Variants in STAMBPL1 observed in about 807,000 individuals in gnomAD.
STAMBPL1 encodes the protein STAM binding protein like 1, also known as AMSH-like protease.
In STAMBPL1, 44 loss-of-function variants were observed where a neutral mutation model predicts 52.9. That is an observed-to-expected ratio of 0.83 (90% CI 0.65 to 1.07). STAMBPL1 has a LOEUF of 1.07. Ranked by LOEUF, STAMBPL1 falls within the 50% of genes least tolerant of loss-of-function variation. The pLI is 0.00. For synonymous variants in STAMBPL1, 164 were observed against 177.3 expected (o/e 0.92, Z 0.60); for missense variants, 511 against 520.8 (o/e 0.98, Z 0.18).
At chr10:88,903,297 CA>C (rs1844992300) in intron 2 of STAMBPL1, among the ~76,000 whole-genome samples, 1 of 150,572 alleles carries the variant, frequency 6.6e-6, no homozygotes, top group African/African-American at 2.5e-5. Flanking sequence ...TTTTCATTTT[CA>C]GGGAAAAAAA....
At chr10:88,885,603 A>G (rs1415861499) in intron 1 of STAMBPL1, among the ~76,000 whole-genome samples, 3 of 152,142 alleles carry the variant, frequency 2.0e-5, no homozygotes, top group African/African-American at 7.2e-5. Context: ...ACTTCCCTCC[A>G]TACTCCCAGA....
chr10:88,892,042 T>C (rs1844697784), intron 1 of STAMBPL1, among the ~76,000 whole-genome samples: 1 of 151,960 alleles, frequency 6.6e-6, no homozygotes, highest in Non-Finnish European at 1.5e-5. Context: ...AGGTGTCTTA[T>C]AGAATAAAGA....
In STAMBPL1 at chr10:88,910,972, G is replaced by T; in HGVS notation, c.381G>T (p.Lys127Asn). The change falls in exon 5 of 11, where the codon AAG becomes AAT. Residue 127 changes from lysine to asparagine, a missense_variant. Transcript: ENST00000371926. ...RTDELKNDLL[K>N]KYNVEYQEYL... ...ATGAATTGAAAAACGACCTTTTAAA[G>T]AAATATAACGTAGAATACCAAGAAT... The T allele has an allele frequency of 6.3e-7, 1 of 1,595,988 alleles. No homozygotes were observed. Among genetic ancestry groups the T allele is most frequent in the African/African-American group, 1.3e-5 (1 of 74,208 alleles).
At chr10:88,890,261 A>C (rs1281894716) in intron 1 of STAMBPL1, among the ~76,000 whole-genome samples, 8 of 152,246 alleles carry the variant, frequency 5.3e-5, no homozygotes, top group African/African-American at 1.7e-4. Context: ...ATAGGATATT[A>C]ACAGCAATAG....
At chr10:88,887,103 A>G (rs896861822) in intron 1 of STAMBPL1, among the ~76,000 whole-genome samples, 4 of 152,206 alleles carry the variant, frequency 2.6e-5, no homozygotes, top group Non-Finnish European at 5.9e-5. Context: ...TTCTTTAACT[A>G]TAGGAACAAA....
At chr10:88,902,950 A>G (rs1235999562) in intron 2 of STAMBPL1, among the ~76,000 whole-genome samples, 3 of 152,216 alleles carry the variant, frequency 2.0e-5, no homozygotes, top group Non-Finnish European at 4.4e-5. Flanking sequence ...AGACAATTGC[A>G]GAAACATTTT....
chr10:88,923,137 C>T, intron 10 of STAMBPL1, 31 bp from the exon 11 acceptor site: 1 of 1,517,010 alleles, frequency 6.6e-7, no homozygotes, highest in Non-Finnish European at 9.1e-7. Context: ...TGAAATCAAA[C>T]ATATGGTAAA....
chr10:88,913,351 A>G lies in STAMBPL1; in HGVS notation c.671A>G (p.Asn224Ser), dbSNP rs766840011. Residue 224 changes from asparagine (N) to serine (S), a missense_variant, in exon 6 of 11, where the codon AAT becomes AGT. Asn to Ser is a conservative substitution (Grantham distance 46). Transcript: ENST00000371926. ...ACACACCAGAACAATTCCTTGCTGAATGTATTTGCAGATCAACCTAATAAA... is the reference window on the plus strand; with the variant it reads ...ACACACCAGAACAATTCCTTGCTGAGTGTATTTGCAGATCAACCTAATAAA... The part of the protein sequence containing the change: ...FSTHQNNSLL[N>S]VFADQPNKSD... 9.9e-6 allele frequency: 16 copies of G among 1,613,760 alleles called. No individual in the cohort carries two copies. In the Admixed American group the frequency reaches 2.5e-4, roughly 25 times the overall value.
chr10:88,903,627 T>C (rs973914086), intron 2 of STAMBPL1, among the ~76,000 whole-genome samples: 28 of 152,378 alleles, frequency 1.8e-4, no homozygotes, highest in African/African-American at 6.3e-4. Context: ...TCTGATGTCA[T>C]TGAAGCAATT....
intron 3 of STAMBPL1, among the ~76,000 whole-genome samples, chr10:88,907,556 C>T (rs1320101843): frequency 1.3e-5 from 2 of 152,110 alleles, no homozygotes; most frequent in Non-Finnish European, 1.5e-5. Context: ...AGGAAAAGGC[C>T]CCTATATCTC....
intron 8 of STAMBPL1, among the ~76,000 whole-genome samples, chr10:88,920,157 T>G (rs1437490142): frequency 1.3e-5 from 2 of 152,196 alleles, no homozygotes; most frequent in African/African-American, 4.8e-5. Context: ...GGCCTAAAAA[T>G]AGTTTTAAAA....
At chr10:88,905,010 G>C (rs902197900) in intron 2 of STAMBPL1, among the ~76,000 whole-genome samples, 3 of 152,004 alleles carry the variant, frequency 2.0e-5, no homozygotes, top group Non-Finnish European at 4.4e-5. Flanking sequence ...ATAGTAACTT[G>C]AATCCAAGTT....
chr10:88,893,092 C>G (rs1844727458), intron 1 of STAMBPL1, among the ~76,000 whole-genome samples: 1 of 152,078 alleles, frequency 6.6e-6, no homozygotes, highest in Non-Finnish European at 1.5e-5. Context: ...TGCATTATTT[C>G]CAGGAATGTT....
At chr10:88,905,382 A>T (rs979773718) in intron 2 of STAMBPL1, 61 bp from the exon 3 acceptor site, 9 of 1,266,814 alleles carry the variant, frequency 7.1e-6, no homozygotes. Context: ...CCATAATATT[A>T]GTCATATCCT....
At chr10:88,916,630 T>A (rs766970481) in intron 7 of STAMBPL1, 50 bp from the exon 8 acceptor site, 38 of 1,541,622 alleles carry the variant, frequency 2.5e-5, no homozygotes, top group Non-Finnish European at 3.1e-5. Flanking sequence ...TTCAGTTATT[T>A]TTTTTTTTTC....
At chr10:88,892,340 G>C (rs1205182262) in intron 1 of STAMBPL1, among the ~76,000 whole-genome samples, 1 of 127,046 alleles carries the variant, frequency 7.9e-6, no homozygotes, top group East Asian at 3.2e-4. Flanking sequence ...ATGTGTCTGT[G>C]TGTGTGCGTG....
intron 1 of STAMBPL1, among the ~76,000 whole-genome samples, chr10:88,881,148 A>G (rs889722590): frequency 2.0e-5 from 3 of 152,124 alleles, no homozygotes; most frequent in African/African-American, 4.8e-5. Flanking sequence ...TATGCCCTTT[A>G]TGAGCGACTA....
At chr10:88,907,449 T>C (rs530080400) in intron 3 of STAMBPL1, among the ~76,000 whole-genome samples, 2 of 152,366 alleles carry the variant, frequency 1.3e-5, no homozygotes, top group South Asian at 4.1e-4. Context: ...TTTCCAATAA[T>C]TTTTGTTTCT....
chr10:88,909,145 T>A (rs1409561678), intron 4 of STAMBPL1, among the ~76,000 whole-genome samples: 1 of 152,212 alleles, frequency 6.6e-6, no homozygotes, highest in Non-Finnish European at 1.5e-5. Flanking sequence ...AATAACTGTT[T>A]GAAAATTAGT....
Sources: allele counts gnomAD v4.1 joint callset (sites outside exome capture counted in the v4.1 genomes callset), GRCh38; gene constraint gnomAD v4.1.1; transcripts MANE v1.5; gene names NCBI Gene and HGNC (gene_info 2026-07-23, HGNC 2026-07-21).